PCDH15: variants seen among roughly 807,000 people sequenced by gnomAD.
The protein encoded by PCDH15 is protocadherin related 15, also known as protocadherin-15.
A neutral mutation model predicts 178.5 loss-of-function variants in PCDH15; 129 were observed. The observed-to-expected ratio is 0.72, with a 90% confidence interval of 0.63 to 0.84. The LOEUF (loss-of-function observed/expected upper bound fraction) is 0.84. Among genes scored for constraint, PCDH15 ranks in the 40% least tolerant of loss-of-function variants. The probability of loss-of-function intolerance (pLI) is 0.00; values close to 1 mark genes in which losing one functional copy is unlikely to be tolerated. For missense variants in PCDH15, 2,230 were observed against 2,099.9 expected (o/e 1.06, Z -1.21); for synonymous variants, 800 against 732.0 (o/e 1.09, Z -1.50).
chr10:55,273,539 G>A (rs74487207), intron 1 of PCDH15, among the ~76,000 whole-genome samples: 3,584 of 152,114 alleles, frequency 0.024, 155 homozygotes, highest in African/African-American at 0.082. Flanking sequence ...GTGGGTTGGT[G>A]GGCAAGGGGG....
intron 2 of PCDH15, among the ~76,000 whole-genome samples, chr10:55,031,236 T>C (rs960477002): frequency 6.6e-6 from 1 of 152,214 alleles, no homozygotes; most frequent in African/African-American, 2.4e-5. Flanking sequence ...ATAATCTGTG[T>C]TGTTAGGAAA....
intron 1 of PCDH15, among the ~76,000 whole-genome samples, chr10:54,759,908 G>A (rs748566484): frequency 6.6e-6 from 1 of 152,120 alleles, no homozygotes; most frequent in Non-Finnish European, 1.5e-5. Flanking sequence ...ACAGTCTTGG[G>A]TTACAGGAGT....
chr10:55,599,756 C>A, intron 2 of PCDH15: 3 of 419,296 alleles, frequency 7.2e-6, no homozygotes, highest in South Asian at 6.9e-5. Flanking sequence ...CACATTTCAC[C>A]CCATCTCTCT....
chr10:55,154,507 T>G (rs558639375), intron 2 of PCDH15, among the ~76,000 whole-genome samples: 70 of 152,222 alleles, frequency 4.6e-4, no homozygotes, highest in African/African-American at 1.7e-3. Context: ...TTACCGAAGC[T>G]TACTATGCTT....
At chr10:54,727,467 C>G (rs545573029) in intron 1 of PCDH15, among the ~76,000 whole-genome samples, 1 of 150,656 alleles carries the variant, frequency 6.6e-6, no homozygotes, top group East Asian at 2.0e-4. Context: ...AGGAAAGTTT[C>G]TAGCACTAAC....
At chr10:55,264,321 C>T (rs1276919707) in intron 1 of PCDH15, among the ~76,000 whole-genome samples, 1 of 152,108 alleles carries the variant, frequency 6.6e-6, no homozygotes, top group Non-Finnish European at 1.5e-5. Flanking sequence ...GCCGATTAAA[C>T]CCCACCCCCA....
chr10:54,941,063 T>A (rs999105027), intron 2 of PCDH15, among the ~76,000 whole-genome samples: 10 of 152,146 alleles, frequency 6.6e-5, no homozygotes, highest in South Asian at 2.1e-4. Context: ...TTTTGTGTTT[T>A]CTGTATGCTT....
intron 2 of PCDH15, among the ~76,000 whole-genome samples, chr10:55,346,914 G>A (rs1202571311): frequency 6.6e-6 from 1 of 151,808 alleles, no homozygotes; most frequent in Admixed American, 6.6e-5. Flanking sequence ...TAAATTAGGA[G>A]GGTAAAAAGA....
chr10:53,938,655 C>T (rs1323945753), intron 25 of PCDH15, among the ~76,000 whole-genome samples, 160 bp downstream of exon 25: 1 of 152,012 alleles, frequency 6.6e-6, no homozygotes, highest in African/African-American at 2.4e-5. Flanking sequence ...CCTGCCTTGT[C>T]ATATATTAGC....
At position 54,297,514 on chromosome 10, in the gene PCDH15, C is replaced by T. The variant is rs559354740; in HGVS notation, c.876+19757G>A. On this transcript the variant is annotated intron_variant, in intron 8 of 37. Coordinates refer to ENST00000644397, the MANE Select transcript of PCDH15 (RefSeq NM_001384140.1). ...ACTATGCAAAGCTTGCAATTTACAT[C>T]CCACAGGAGGACCTCTCAGCTTACC... Among the ~76,000 whole-genome samples, 6 of 152,308 alleles carry T rather than the reference C, an allele frequency of 3.9e-5. No individual in the cohort carries two copies. The South Asian group carries it at 1.2e-3, about 32-fold the overall frequency.
At chr10:53,958,402 C>T (rs1277962935) in intron 23 of PCDH15, among the ~76,000 whole-genome samples, 1 of 152,192 alleles carries the variant, frequency 6.6e-6, no homozygotes, top group Non-Finnish European at 1.5e-5. Context: ...CAATCTACAA[C>T]TTAAAACTGT....
At chr10:54,625,312 A>T (rs2093511806) in intron 2 of PCDH15, among the ~76,000 whole-genome samples, 1 of 152,210 alleles carries the variant, frequency 6.6e-6, no homozygotes, top group South Asian at 2.1e-4. Flanking sequence ...AACGACAAGG[A>T]AAGGACTACA....
intron 2 of PCDH15, among the ~76,000 whole-genome samples, chr10:54,910,627 T>C (rs1308560076): frequency 2.6e-5 from 4 of 152,176 alleles, no homozygotes; most frequent in Non-Finnish European, 5.9e-5. Flanking sequence ...AAAATTTGCC[T>C]GACTACCCCT....
At chr10:54,933,809 A>G (rs1309104309) in intron 2 of PCDH15, among the ~76,000 whole-genome samples, 1 of 152,148 alleles carries the variant, frequency 6.6e-6, no homozygotes, top group Non-Finnish European at 1.5e-5. Context: ...TCTTACTTTA[A>G]ATTGACTCTG....
At chr10:54,500,921 A>C (rs973741018) in intron 3 of PCDH15, among the ~76,000 whole-genome samples, 4 of 152,100 alleles carry the variant, frequency 2.6e-5, no homozygotes, top group African/African-American at 9.7e-5. Context: ...AAAAAGAATG[A>C]GTTCATGTCC....
At chr10:54,440,258 A>C (rs1304727009) in intron 3 of PCDH15, among the ~76,000 whole-genome samples, 3 of 152,148 alleles carry the variant, frequency 2.0e-5, no homozygotes, top group East Asian at 3.9e-4. Flanking sequence ...CCTTGTGTTT[A>C]ATGCTTATGC....
At chr10:54,065,098 G>A (rs1416820961) in intron 18 of PCDH15, among the ~76,000 whole-genome samples, 1 of 152,182 alleles carries the variant, frequency 6.6e-6, no homozygotes, top group Non-Finnish European at 1.5e-5. Flanking sequence ...AGATTATGCT[G>A]AGGGAATTTG....
chr10:54,732,602 C>T (rs978417925), intron 1 of PCDH15, among the ~76,000 whole-genome samples: 1 of 151,424 alleles, frequency 6.6e-6, no homozygotes, highest in African/African-American at 2.4e-5. Context: ...GGGAATTCCA[C>T]TAAATGCTGA....
rs369364945 is a variant in PCDH15, at chr10:54,500,891, T to C, written c.157+26921A>G. On this transcript the variant is annotated intron_variant, in intron 3 of 37. Coordinates refer to ENST00000644397, the MANE Select transcript of PCDH15 (RefSeq NM_001384140.1). The stretch of plus-strand genomic sequence containing the variant: ...AAGAAAATGTGGCACATATACACCA[T>C]GGAATACTATGCGGCCATAAAAAAG... Among the ~76,000 whole-genome samples, 11 of 152,164 alleles carry C rather than the reference T, an allele frequency of 7.2e-5. No homozygotes were observed. The East Asian group carries it at 1.2e-3, about 16-fold the overall frequency.
Sources: gnomAD v4.1 joint callset for allele counts (sites outside exome capture counted in the v4.1 genomes callset) on GRCh38, gnomAD v4.1.1 for gene constraint, MANE v1.5 for transcripts, NCBI Gene and HGNC (gene_info 2026-07-23, HGNC 2026-07-21) for gene names.